USH1C: variants seen among roughly 807,000 people sequenced by gnomAD.
USH1C encodes the protein harmonin.
In USH1C, 90 loss-of-function variants were observed where a neutral mutation model predicts 119.3. That is an observed-to-expected ratio of 0.75 (90% CI 0.64 to 0.90). The LOEUF (loss-of-function observed/expected upper bound fraction) is 0.90, where lower values mean the gene tolerates loss of function less well. USH1C is among the 40% of genes least tolerant of loss of function. The pLI is 0.00. For synonymous variants in USH1C, 465 were observed against 443.3 expected (o/e 1.05, Z -0.62); for missense variants, 1,165 against 1,167.7 (o/e 1.00, Z 0.03).
chr11:17,526,676 G>T, intron 7 of USH1C, 77 bp downstream of exon 7: 1 of 1,490,402 alleles, frequency 6.7e-7, no homozygotes, highest in Non-Finnish European at 9.3e-7. Flanking sequence ...TCTAGAGCAA[G>T]CCCTCCCTTC....
In USH1C at chr11:17,494,286, A is replaced by G. The variant is rs1055574; in HGVS notation, c.*46T>C. 726,103 of 1,591,812 alleles carry G rather than the reference A, an allele frequency of 0.46. 167,694 individuals are homozygous for G. The highest frequency in any genetic ancestry group is 0.48 in the Non-Finnish European group (555,609 of 1,167,636). On this transcript the variant is annotated 3_prime_UTR_variant, in exon 27 of 27. Coordinates refer to ENST00000005226, the MANE Select transcript of USH1C (RefSeq NM_153676.4). ...TGTAGTGTGGCCTCTCTCAAGGCTGATCCGAGGCTTTGTGTTCACGAGGTG... is the reference window on the plus strand; with the variant it reads ...TGTAGTGTGGCCTCTCTCAAGGCTGGTCCGAGGCTTTGTGTTCACGAGGTG...
chr11:17,540,565 C>T (rs1022513912), intron 1 of USH1C, among the ~76,000 whole-genome samples: 5 of 151,930 alleles, frequency 3.3e-5, no homozygotes, highest in Admixed American at 6.5e-5. Flanking sequence ...CTCTAGCAGG[C>T]GTCTCAAACT....
chr11:17,521,042 G>C, intron 13 of USH1C, 48 bp from the exon 14 acceptor site: 1 of 1,611,404 alleles, frequency 6.2e-7, no homozygotes, highest in Non-Finnish European at 8.5e-7. Context: ...ACCCCCATAG[G>C]CCCATCTCCT....
intron 23 of USH1C, among the ~76,000 whole-genome samples, chr11:17,498,627 T>C (rs1288490716): frequency 6.6e-6 from 1 of 152,184 alleles, no homozygotes; most frequent in Non-Finnish European, 1.5e-5. Context: ...TGCTGGTCTG[T>C]TCAGGTCCCT....
In USH1C at chr11:17,509,442, G is replaced by T; in HGVS notation, c.1927C>A (p.Pro643Thr). The T allele has an allele frequency of 5.0e-6, 8 of 1,601,000 alleles. No individual in the cohort carries two copies. The highest frequency in any genetic ancestry group is 6.8e-6 in the Non-Finnish European group (8 of 1,171,974). Residue 643 changes from proline (P) to threonine (T), a missense_variant, in exon 18 of 27, where the codon CCA becomes ACA. Pro to Thr is a conservative substitution (Grantham distance 38). Transcript: ENST00000005226. ...HPFRTGDTGN[P>T]VEDWEAKNHS... ...TTCTTTGCCTCCCAGTCCTCCACTG[G>T]ATTGCCTGTGTCCCCAGTGCGGAAG...
chr11:17,522,987 A>T (rs1850486881), intron 11 of USH1C, 61 bp from the exon 12 acceptor site: 3 of 1,596,386 alleles, frequency 1.9e-6, no homozygotes, highest in Non-Finnish European at 8.5e-7. Flanking sequence ...CCCCTGACAC[A>T]CCCCTGGGGG....
intron 1 of USH1C, among the ~76,000 whole-genome samples, chr11:17,542,446 T>A (rs920263538): frequency 6.6e-5 from 10 of 152,258 alleles, no homozygotes; most frequent in African/African-American, 1.7e-4. Context: ...GGGCCTTGCC[T>A]AGCGCATGGC....
chr11:17,515,666 G>C (rs1354857536), intron 15 of USH1C, among the ~76,000 whole-genome samples: 1 of 152,172 alleles, frequency 6.6e-6, no homozygotes, highest in Non-Finnish European at 1.5e-5. Context: ...AGTTTTACAA[G>C]GCCTGGAGAT....
chr11:17,528,530 G>A (rs144512449), intron 4 of USH1C, among the ~76,000 whole-genome samples: 1 of 152,358 alleles, frequency 6.6e-6, no homozygotes, highest in Non-Finnish European at 1.5e-5. Context: ...CAGGTCAGCT[G>A]GGGGCTTAAC....
rs533637827 is a variant in USH1C at position 17,500,643 on chromosome 11, C to T, written c.2380+408G>A. 2.6e-5 allele frequency among the ~76,000 whole-genome samples: 4 copies of T among 152,266 alleles called. No individual in the cohort carries two copies. In the South Asian group the frequency reaches 6.2e-4, roughly 24 times the overall value. On this transcript the variant is annotated intron_variant, in intron 23 of 26. Transcript: ENST00000005226. ...TCGCGAGGCTGACATTGACTATGCT[C>T]AGCTCAGGGTTCGCCCCTCTGAGGA...
In USH1C at chr11:17,496,674, A is replaced by G. The variant is rs1197001073; in HGVS notation, c.2546+84T>C. The G allele has an allele frequency of 3.9e-6, 6 of 1,551,230 alleles. No individual in the cohort carries two copies. The East Asian group carries it at 1.4e-4, about 35-fold the overall frequency. On this transcript the variant is annotated intron_variant, in intron 25 of 26. Coordinates refer to ENST00000005226, the MANE Select transcript of USH1C (RefSeq NM_153676.4). The stretch of plus-strand genomic sequence containing the variant: ...TGGGCCATTCCTTCAGGCTGGGAGA[A>G]GGCTGGGGATGGGCTGGAGAAAGGT...
In USH1C at chr11:17,523,241, G is replaced by A. The variant is rs757670837; in HGVS notation, c.846C>T (p.Arg282=). The change falls in exon 11 of 27, where the codon CGC becomes CGT. Residue 282 remains arginine, a synonymous_variant. Transcript: ENST00000005226. The stretch of plus-strand genomic sequence containing the variant: ...CAGCTACAATGGAGATGGTCAGGCT[G>A]CGGCTACTCTTCAGCACATTTACAG... ...KEAVNVLKSS[R]SLTISIVAAA... 6.2e-6 allele frequency: 10 copies of A among 1,614,190 alleles called. No homozygotes were observed. The South Asian group carries it at 1.1e-4, about 18-fold the overall frequency.
Position 17,509,451 on chromosome 11 carries a change from T to A in USH1C, c.1918A>T (p.Thr640Ser), listed in dbSNP as rs761028001. ...LSNHPFRTGD[T>S]GNPVEDWEAK... ...TCCCAGTCCTCCACTGGATTGCCTG[T>A]GTCCCCAGTGCGGAAGGGATGGTTG... Residue 640 changes from threonine (T) to serine (S), a missense_variant, in exon 18 of 27, where the codon ACA becomes TCA. Physicochemically the swap from Thr to Ser is moderately conservative, Grantham distance 58. Transcript: ENST00000005226. 6.2e-7 allele frequency: 1 copy of A among 1,606,622 alleles called. No homozygotes were observed. Among genetic ancestry groups the A allele is most frequent in the African/African-American group, 1.3e-5 (1 of 74,326 alleles).
chr11:17,500,407 A>C (rs1430924726), intron 23 of USH1C, among the ~76,000 whole-genome samples: 1 of 152,202 alleles, frequency 6.6e-6, no homozygotes, highest in African/African-American at 2.4e-5. Flanking sequence ...AAATAAGAAT[A>C]ATAACAGAAC....
intron 4 of USH1C, among the ~76,000 whole-genome samples, chr11:17,529,472 C>T (rs1182245093): frequency 1.3e-5 from 2 of 152,250 alleles, no homozygotes; most frequent in African/African-American, 4.8e-5. Flanking sequence ...CATCCCCTGC[C>T]TTCCAGCATC....
chr11:17,518,865 C>T (rs1850278796), intron 14 of USH1C, among the ~76,000 whole-genome samples: 2 of 152,202 alleles, frequency 1.3e-5, no homozygotes, highest in South Asian at 2.1e-4. Flanking sequence ...ACCAAAAATA[C>T]AAAATTAGCT....
chr11:17,530,561 A>G (rs1850916764), intron 4 of USH1C, among the ~76,000 whole-genome samples: 1 of 152,266 alleles, frequency 6.6e-6, no homozygotes. Flanking sequence ...CCAGGCTCAC[A>G]GCATTTGTAT....
At chr11:17,526,188 C>G (rs1360102127) in intron 8 of USH1C, among the ~76,000 whole-genome samples, 159 bp downstream of exon 8, 1 of 152,168 alleles carries the variant, frequency 6.6e-6, no homozygotes, top group African/African-American at 2.4e-5. Context: ...GCAACAGAGT[C>G]AGACCCTGTA....
chr11:17,511,457 G>A lies in USH1C; in HGVS notation c.1413+445C>T, dbSNP rs545888334. Among the ~76,000 whole-genome samples the A allele has an allele frequency of 2.6e-5, 4 of 152,234 alleles. No homozygotes were observed. In the East Asian group the frequency reaches 7.7e-4, roughly 29 times the overall value. On this transcript the variant is annotated intron_variant, in intron 16 of 26. Transcript: ENST00000005226. The stretch of plus-strand genomic sequence containing the variant: ...AAGCAAGGCAGAAGGGTTAGCCGCA[G>A]ACCATACTCTAAGTAGCCTCAGAGC...
Sources: gnomAD v4.1 joint callset for allele counts (sites outside exome capture counted in the v4.1 genomes callset) on GRCh38, gnomAD v4.1.1 for gene constraint, MANE v1.5 for transcripts, NCBI Gene and HGNC (gene_info 2026-07-23, HGNC 2026-07-21) for gene names.